The following NCAPG2 variants were observed in gnomAD, a reference collection of about 807,000 sequenced individuals.
The protein encoded by NCAPG2 is non-SMC condensin II complex subunit G2, also known as condensin-2 complex subunit G2.
Under a neutral mutation model 141.1 loss-of-function variants are expected in NCAPG2, and 53 were observed. That is an observed-to-expected ratio of 0.38 (90% CI 0.30 to 0.47). The LOEUF (loss-of-function observed/expected upper bound fraction) is 0.47, where lower values mean the gene tolerates loss of function less well. NCAPG2 is among the 20% of genes least tolerant of loss of function. NCAPG2 has a pLI of 0.99. For missense variants in NCAPG2, 1,087 were observed against 1,389.0 expected, an observed-to-expected ratio of 0.78 and a Z score of 3.46; for synonymous variants, 499 against 490.7, an observed-to-expected ratio of 1.02 and a Z score of -0.22.
chr7:158,663,624 G>C (rs777767180), intron 15 of NCAPG2, among the ~76,000 whole-genome samples: 88 of 152,328 alleles, frequency 5.8e-4, no homozygotes, highest in Middle Eastern at 3.4e-3. Flanking sequence ...CCTCAGCACA[G>C]GGCAAACTGT....
At chr7:158,696,423 A>G (rs1415432726) in intron 2 of NCAPG2, 1 of 152,230 alleles carries the variant, frequency 6.6e-6, no homozygotes, top group East Asian at 1.9e-4. Flanking sequence ...ATTTAACAGG[A>G]TTATCCACAA....
rs1177200931 is a variant in NCAPG2, at chr7:158,675,405, C to G, written c.1326+72G>C. ...GTAGGATTACAGGTATTATTTTAAT[C>G]TTTTTCTTTTCCTGTTTTTCTAATT... On this transcript the variant is annotated intron_variant, in intron 12 of 27. Transcript: ENST00000356309. The G allele has an allele frequency of 2.2e-6, 3 of 1,347,286 alleles. No individual in the cohort carries two copies. The African/African-American group carries it at 4.5e-5, about 20-fold the overall frequency. 83.5% of individuals were successfully genotyped at this position (1,347,286 alleles called of 1,614,324 possible).
At chr7:158,667,303 ACCCTT>A (rs1563537918) in intron 13 of NCAPG2, 3 of 587,410 alleles carry the variant, frequency 5.1e-6, no homozygotes, top group African/African-American at 2.3e-5. Flanking sequence ...TCCCTCCTCC[ACCCTT>A]AGCCGCTACT....
At chr7:158,637,579 C>CGAGCCACACACAGGAGCCTGTGGGCCTCA (rs1403971410) in intron 27 of NCAPG2, among the ~76,000 whole-genome samples, 3 of 5,132 alleles carry the variant, frequency 5.8e-4, no homozygotes, top group African/African-American at 6.6e-4. Context: ...GCTCCGGCTC[C>CGAGCCACACACAGGAGCCTGTGGGCCTCA]AGCAGCTCCC....
chr7:158,655,082 T>C, intron 21 of NCAPG2, 36 bp downstream of exon 21: 2 of 1,559,048 alleles, frequency 1.3e-6, no homozygotes, highest in South Asian at 2.4e-5. Context: ...ACAAACTTGG[T>C]AAAGAGAAAG....
intron 6 of NCAPG2, among the ~76,000 whole-genome samples, chr7:158,688,469 C>T (rs1834915985): frequency 6.6e-6 from 1 of 152,060 alleles, no homozygotes; most frequent in Non-Finnish European, 1.5e-5. Flanking sequence ...TGTTTGAATC[C>T]ATCATTAATT....
At chr7:158,672,763 T>G (rs1321697778) in intron 12 of NCAPG2, among the ~76,000 whole-genome samples, 1 of 152,180 alleles carries the variant, frequency 6.6e-6, no homozygotes. Flanking sequence ...AGCCTCCTCT[T>G]GATCCTGCCC....
intron 24 of NCAPG2, among the ~76,000 whole-genome samples, chr7:158,649,138 CAG>C (rs1406697474): frequency 6.6e-6 from 1 of 152,066 alleles, no homozygotes; most frequent in African/African-American, 2.4e-5. Flanking sequence ...GAGTCAGAGC[CAG>C]AGAGATTCCA....
rs577622691 is a variant in NCAPG2 at position 158,633,691 on chromosome 7, G to A, written c.3381-1974C>T. ...AGCAACTGCCTGGCTCAGCAGCAGT[G>A]CAGCCAGAGGCAAGACAGAGGAGAA... On this transcript the variant is annotated intron_variant, in intron 27 of 27. Transcript: ENST00000356309. The surrounding 1 kb of genome is among the most constrained non-coding windows in gnomAD (Gnocchi z 4.1). Among the ~76,000 whole-genome samples, 8 of 152,326 alleles carry A rather than the reference G, an allele frequency of 5.3e-5. No individual in the cohort carries two copies. Among genetic ancestry groups the A allele is most frequent in the African/African-American group, 1.9e-4 (8 of 41,572 alleles).
At chr7:158,648,613 G>C (rs1831222067) in intron 24 of NCAPG2, among the ~76,000 whole-genome samples, 1 of 91,500 alleles carries the variant, frequency 1.1e-5, no homozygotes, top group African/African-American at 3.7e-5. Flanking sequence ...CACGCCAAAT[G>C]GACGACAACC....
intron 27 of NCAPG2, chr7:158,641,580 T>C (rs6947008): frequency 0.15 from 82,913 of 565,796 alleles, 8,638 homozygotes; most frequent in East Asian, 0.41. Flanking sequence ...AAAAAGGAAA[T>C]GAATAAAAAG....
intron 27 of NCAPG2, among the ~76,000 whole-genome samples, chr7:158,639,227 C>T (rs1344208545): frequency 6.6e-6 from 1 of 152,082 alleles, no homozygotes; most frequent in Non-Finnish European, 1.5e-5. Flanking sequence ...CCCACCTCAG[C>T]CTCTTGGGTA....
intron 19 of NCAPG2, among the ~76,000 whole-genome samples, chr7:158,655,676 C>CA (rs1232818987): frequency 0.012 from 9 of 752 alleles, no homozygotes; most frequent in South Asian, 0.045. Context: ...GTCCACAGCC[C>CA]TTGCCCTGCA....
At position 158,692,974 on chromosome 7, in the gene NCAPG2, A is replaced by T. The variant is rs1835224141; in HGVS notation, c.268-18T>A. ...CTTTTTCTCTATAAATGAAAAATCA[A>T]AGCATGAGTGAATTAAAATCATCAA... On this transcript the variant is annotated intron_variant, in intron 3 of 27. Coordinates refer to ENST00000356309, the MANE Select transcript of NCAPG2 (RefSeq NM_017760.7). 7.1e-7 allele frequency: 1 copy of T among 1,412,758 alleles called. No homozygotes were observed. The highest frequency in any genetic ancestry group is 1.2e-5 in the South Asian group (1 of 80,788). 87.5% of individuals were successfully genotyped at this position (1,412,758 alleles called of 1,614,324 possible). A position where few individuals can be genotyped will look rare whatever the true frequency, so the allele number is the denominator to read the frequency against.
chr7:158,648,982 C>A (rs1162415318), intron 24 of NCAPG2, among the ~76,000 whole-genome samples: 3 of 149,236 alleles, frequency 2.0e-5, no homozygotes, highest in Non-Finnish European at 4.5e-5. Context: ...TGGACTACAA[C>A]CACGGCAAAG....
rs747886499 is a variant in NCAPG2 at position 158,701,882 on chromosome 7, C to T, written c.18G>A (p.Thr6=). 8.7e-6 allele frequency: 14 copies of T among 1,613,152 alleles called. No homozygotes were observed. The East Asian group carries it at 1.8e-4, about 21-fold the overall frequency. Residue 6 remains threonine (T), a synonymous_variant, in exon 2 of 28, where the codon ACG becomes ACA. Transcript: ENST00000356309. Reference sequence around the variant, plus strand: ...GCTCCTTAGACACGGCTTGTACAAACGTCTCACGTTTTTCCATGACAGATG... The same window carrying T: ...GCTCCTTAGACACGGCTTGTACAAATGTCTCACGTTTTTCCATGACAGATG... The part of the protein sequence containing the change: MEKRE[T]FVQAVSKELV...
chr7:158,665,775 G>A (rs1274454134), intron 13 of NCAPG2, among the ~76,000 whole-genome samples: 1 of 152,132 alleles, frequency 6.6e-6, no homozygotes. Flanking sequence ...CCTCACTGAA[G>A]TTGTTCTTGC....
At position 158,655,412 on chromosome 7, in the gene NCAPG2, C is replaced by T. The variant is rs770422053; in HGVS notation, c.2432G>A (p.Arg811His). The change falls in exon 20 of 28, where the codon CGT becomes CAT. Residue 811 changes from arginine (R) to histidine (H), a missense_variant. Transcript: ENST00000356309. ...SLLQTPGGKP[R>H]GFSEAAAPRA... ...CGGGGCAGCTGCTTCACTGAAGCCACGAGGCTTCCCACCCGGTGTCTGCAG... is the reference window on the plus strand; with the variant it reads ...CGGGGCAGCTGCTTCACTGAAGCCATGAGGCTTCCCACCCGGTGTCTGCAG... 6.9e-5 allele frequency: 112 copies of T among 1,614,078 alleles called. No homozygotes were observed. The South Asian group carries it at 8.3e-4, about 12-fold the overall frequency.
intron 24 of NCAPG2, 41 bp downstream of exon 24, chr7:158,650,791 T>C (rs368653810): frequency 1.9e-6 from 3 of 1,570,184 alleles, no homozygotes; most frequent in Non-Finnish European, 2.6e-6. Context: ...TCTTGTGTCA[T>C]CAATAAGAGG....
Sources: gnomAD v4.1 joint callset for allele counts (sites outside exome capture counted in the v4.1 genomes callset) on GRCh38, gnomAD v4.1.1 for gene constraint, Gnocchi (gnomAD v3.1) non-coding constraint, MANE v1.5 for transcripts, NCBI Gene and HGNC (gene_info 2026-07-23, HGNC 2026-07-21) for gene names.